Variants in TSPAN5 observed in about 807,000 individuals in gnomAD.
TSPAN5 encodes tetraspanin 5.
TSPAN5 carries 10 observed loss-of-function variants against 37.1 expected under a neutral mutation model. The observed-to-expected ratio is 0.27, with a 90% CI of 0.17 to 0.46. The LOEUF (loss-of-function observed/expected upper bound fraction) is 0.46. Among genes scored for constraint, TSPAN5 ranks in the 20% least tolerant of loss-of-function variants. The pLI is 1.00. For synonymous variants in TSPAN5, 110 were observed against 118.9 expected (o/e 0.93, Z 0.48); for missense variants, 195 against 326.6 (o/e 0.60, Z 3.11).
chr4:98,653,251 C>T (rs1757228843), intron 1 of TSPAN5, among the ~76,000 whole-genome samples: 1 of 151,850 alleles, frequency 6.6e-6, no homozygotes, highest in African/African-American at 2.4e-5. Context: ...CTACTTGATG[C>T]CCCCCCTCCC....
At chr4:98,544,394 C>A (rs1428411696) in intron 1 of TSPAN5, among the ~76,000 whole-genome samples, 2 of 151,964 alleles carry the variant, frequency 1.3e-5, no homozygotes, top group African/African-American at 4.8e-5. Context: ...TCAACCATTT[C>A]ATCTGTGTGT....
intron 1 of TSPAN5, among the ~76,000 whole-genome samples, chr4:98,557,735 T>C (rs952691205): frequency 6.6e-6 from 1 of 152,162 alleles, no homozygotes; most frequent in Non-Finnish European, 1.5e-5. Flanking sequence ...TGATCAAGAT[T>C]ATGTTGACAT....
chr4:98,554,106 TTGA>T (rs796413402), intron 1 of TSPAN5, among the ~76,000 whole-genome samples: 70 of 152,128 alleles, frequency 4.6e-4, no homozygotes, highest in Middle Eastern at 3.4e-3. Context: ...AAAAGCAGTC[TTGA>T]TGAGGTGTTA....
At chr4:98,598,135 C>T (rs1349725665) in intron 1 of TSPAN5, among the ~76,000 whole-genome samples, 10 of 124,604 alleles carry the variant, frequency 8.0e-5, no homozygotes, top group Non-Finnish European at 1.3e-4. Context: ...GATATAGTCT[C>T]GTGGTGCGCC....
intron 2 of TSPAN5, among the ~76,000 whole-genome samples, chr4:98,496,040 C>T (rs1193183133): frequency 6.6e-6 from 1 of 152,108 alleles, no homozygotes; most frequent in Non-Finnish European, 1.5e-5. Flanking sequence ...CTCCATAAAC[C>T]AGATCCTACT....
chr4:98,480,195 T>C (rs1752808099), intron 4 of TSPAN5, among the ~76,000 whole-genome samples: 1 of 152,150 alleles, frequency 6.6e-6, no homozygotes, highest in Non-Finnish European at 1.5e-5. Flanking sequence ...ATACAATAAA[T>C]TGCACATTTT....
At chr4:98,479,291 A>G (rs1198652965) in intron 4 of TSPAN5, among the ~76,000 whole-genome samples, 2 of 152,166 alleles carry the variant, frequency 1.3e-5, no homozygotes, top group African/African-American at 4.8e-5. Context: ...GTTTTGTTTT[A>G]TGGAGCGCAG....
intron 1 of TSPAN5, among the ~76,000 whole-genome samples, chr4:98,592,238 G>A (rs1258756781): frequency 6.7e-6 from 1 of 149,350 alleles, no homozygotes; most frequent in Non-Finnish European, 1.5e-5. Context: ...TGGAAGAGAA[G>A]CCATTGTTTA....
intron 2 of TSPAN5, among the ~76,000 whole-genome samples, chr4:98,495,449 C>T (rs1056661927): frequency 6.7e-6 from 1 of 150,278 alleles, no homozygotes; most frequent in Admixed American, 6.7e-5. Context: ...GGCATGAACC[C>T]GGGAGGCGGA....
At chr4:98,487,367 A>C (rs1357515334) in intron 2 of TSPAN5, among the ~76,000 whole-genome samples, 27 of 152,134 alleles carry the variant, frequency 1.8e-4, no homozygotes, top group Non-Finnish European at 4.4e-5. Context: ...CAAACAAACA[A>C]AAAAAGACAG....
intron 2 of TSPAN5, among the ~76,000 whole-genome samples, chr4:98,502,893 T>TA (rs1297197442): frequency 6.6e-6 from 1 of 151,316 alleles, no homozygotes; most frequent in African/African-American, 2.4e-5. Flanking sequence ...AACAATCTAG[T>TA]AGGCCTGTTA....
intron 1 of TSPAN5, among the ~76,000 whole-genome samples, chr4:98,589,742 C>T (rs560993630): frequency 7.9e-5 from 12 of 152,226 alleles, no homozygotes; most frequent in African/African-American, 2.9e-4. Context: ...TTTTCATTAC[C>T]TTGTGTTAAT....
intron 1 of TSPAN5, among the ~76,000 whole-genome samples, chr4:98,509,024 G>A (rs1276834438): frequency 6.6e-6 from 1 of 152,142 alleles, no homozygotes; most frequent in Non-Finnish European, 1.5e-5. Context: ...ATTGTACAGA[G>A]CTGTCCACCC....
At chr4:98,573,938 T>A (rs1347530982) in intron 1 of TSPAN5, among the ~76,000 whole-genome samples, 1 of 152,188 alleles carries the variant, frequency 6.6e-6, no homozygotes, top group Non-Finnish European at 1.5e-5. Flanking sequence ...AACCAGTTCA[T>A]CAACTGCCTT....
chr4:98,550,923 G>A (rs1364085190), intron 1 of TSPAN5, among the ~76,000 whole-genome samples: 1 of 152,126 alleles, frequency 6.6e-6, no homozygotes, highest in African/African-American at 2.4e-5. Context: ...TGTTGAATAA[G>A]AGTCATGAAA....
intron 2 of TSPAN5, among the ~76,000 whole-genome samples, chr4:98,504,953 G>C (rs952188461): frequency 6.6e-6 from 1 of 152,166 alleles, no homozygotes; most frequent in African/African-American, 2.4e-5. Flanking sequence ...TTGGTGTCCA[G>C]TGAGGGCTTT....
chr4:98,489,320 C>A (rs1199205751), intron 2 of TSPAN5, among the ~76,000 whole-genome samples: 1 of 152,176 alleles, frequency 6.6e-6, no homozygotes, highest in Non-Finnish European at 1.5e-5. Context: ...CCCAACCAAT[C>A]AGGTAGTAAA....
chr4:98,615,778 A>T (rs1250655616), intron 1 of TSPAN5, among the ~76,000 whole-genome samples: 1 of 152,210 alleles, frequency 6.6e-6, no homozygotes, highest in Non-Finnish European at 1.5e-5. Context: ...ACTCGTCGGA[A>T]TTTCAGACAT....
At chr4:98,621,757 T>C (rs1410970568) in intron 1 of TSPAN5, among the ~76,000 whole-genome samples, 1 of 152,106 alleles carries the variant, frequency 6.6e-6, no homozygotes, top group Non-Finnish European at 1.5e-5. Flanking sequence ...TTGTAGAACA[T>C]TTTCATATCC....
Sources: allele counts gnomAD v4.1 joint callset (sites outside exome capture counted in the v4.1 genomes callset), GRCh38; gene constraint gnomAD v4.1.1; transcripts MANE v1.5; gene names NCBI Gene and HGNC (gene_info 2026-07-23, HGNC 2026-07-21).